The following CDH2 variants were observed in gnomAD, a reference collection of about 807,000 sequenced individuals.
The protein encoded by CDH2 is cadherin 2, also known as cadherin-2.
A neutral mutation model predicts 92.0 loss-of-function variants in CDH2; 17 were observed. The ratio of observed to expected loss-of-function variants is 0.18; its 90% CI spans 0.13 to 0.28. CDH2 has a LOEUF of 0.28. Ranked by LOEUF, CDH2 falls within the 10% of genes least tolerant of loss-of-function variation. CDH2 has a pLI of 1.00. For missense variants in CDH2, 862 were observed against 1,133.1 expected (o/e 0.76, Z 3.44); for synonymous variants, 419 against 415.9 (o/e 1.01, Z -0.09).
chr18:28,015,622 TAAA>T (rs2013223582), intron 2 of CDH2, among the ~76,000 whole-genome samples: 1 of 152,188 alleles, frequency 6.6e-6, no homozygotes, highest in South Asian at 2.1e-4. Context: ...TCATGGTCCT[TAAA>T]AACATAATCT....
At chr18:27,963,299 A>G in intron 15 of CDH2, 58 bp downstream of exon 15, 1 of 1,531,164 alleles carries the variant, frequency 6.5e-7, no homozygotes, top group Non-Finnish European at 9.0e-7. Context: ...GCCTACAGAG[A>G]TCTAACCATT....
chr18:28,030,976 A>G (rs1029771917), intron 2 of CDH2, among the ~76,000 whole-genome samples: 23 of 151,782 alleles, frequency 1.5e-4, no homozygotes, highest in Non-Finnish European at 3.2e-4. Context: ...TCCCTGATCC[A>G]TATTTTCATG....
rs147792834 is a variant in CDH2, at chr18:27,957,061, C to T, written c.2515-4702G>A. Among the ~76,000 whole-genome samples, 118 of 152,016 alleles carry T rather than the reference C, an allele frequency of 7.8e-4. 1 individual carries two copies. Among genetic ancestry groups the T allele is most frequent in the African/African-American group, 2.8e-3 (116 of 41,468 alleles). On this transcript the variant is annotated intron_variant, in intron 15 of 15. Transcript: ENST00000269141. Reference sequence around the variant, plus strand: ...CCCCAAAGCATCATGTTCTTGTGCACTTCTATGTTGTTTATTCATTTTTTT... The same window carrying T: ...CCCCAAAGCATCATGTTCTTGTGCATTTCTATGTTGTTTATTCATTTTTTT...
chr18:28,150,461 C>A (rs2144332357), intron 1 of CDH2, among the ~76,000 whole-genome samples: 1 of 152,250 alleles, frequency 6.6e-6, no homozygotes, highest in South Asian at 2.1e-4. Flanking sequence ...TGGTCCAAAC[C>A]CACAGAAATA....
chr18:28,147,462 G>A (rs1422001489), intron 2 of CDH2, among the ~76,000 whole-genome samples: 2 of 152,038 alleles, frequency 1.3e-5, no homozygotes, highest in African/African-American at 2.4e-5. Context: ...GAAATCTGAC[G>A]ATTTCAAGAG....
intron 7 of CDH2, among the ~76,000 whole-genome samples, chr18:27,997,000 CATTA>C (rs987893301): frequency 6.6e-6 from 1 of 152,212 alleles, no homozygotes; most frequent in African/African-American, 2.4e-5. Flanking sequence ...TTTATATTGA[CATTA>C]ATTTCCCTTT....
At chr18:28,119,104 G>C (rs1383549231) in intron 2 of CDH2, among the ~76,000 whole-genome samples, 1 of 152,072 alleles carries the variant, frequency 6.6e-6, no homozygotes, top group Non-Finnish European at 1.5e-5. Flanking sequence ...CAGCAACCAA[G>C]TCCAAAGTGG....
chr18:28,105,056 C>A (rs1442786347), intron 2 of CDH2, among the ~76,000 whole-genome samples: 1 of 151,974 alleles, frequency 6.6e-6, no homozygotes, highest in African/African-American at 2.4e-5. Flanking sequence ...TGGGTCACAA[C>A]CCTTCTTATA....
At chr18:27,957,330 C>G (rs189711529) in intron 15 of CDH2, among the ~76,000 whole-genome samples, 159 of 152,174 alleles carry the variant, frequency 1.0e-3, no homozygotes, top group African/African-American at 3.5e-3. Context: ...CTCACTGCAG[C>G]CTTGACCTTC....
Position 27,941,543 on chromosome 18 carries a change from A to G in CDH2, c.1152-8419T>C, listed in dbSNP as rs17493001. 4.8e-3 allele frequency among the ~76,000 whole-genome samples: 731 copies of G among 152,286 alleles called. 4 individuals carry two copies. Among genetic ancestry groups the G allele is most frequent in the African/African-American group, 0.016 (656 of 41,552 alleles). ...TAAAGAATGTGATTCTGATTAACGA[A>G]AGCAATTAGATATATTTGCTTCTAT... On this transcript the variant is annotated intron_variant, in intron 6 of 6. Coordinates refer to the CDH2 transcript ENST00000675173.
rs549528574 is a variant in CDH2 at position 28,033,270 on chromosome 18, T to C, written c.173-19361A>G. Reference sequence around the variant, plus strand: ...TTGTCAATGATTAGTATTTGGGAAGTATTTTTTCAAGGGCAAATTTGTTCG... The same window carrying C: ...TTGTCAATGATTAGTATTTGGGAAGCATTTTTTCAAGGGCAAATTTGTTCG... On this transcript the variant is annotated intron_variant, in intron 2 of 15. Transcript: ENST00000269141. 3.3e-5 allele frequency among the ~76,000 whole-genome samples: 5 copies of C among 152,228 alleles called. No individual in the cohort carries two copies. In the South Asian group the frequency reaches 1.0e-3, roughly 32 times the overall value.
intron 2 of CDH2, among the ~76,000 whole-genome samples, chr18:28,055,555 C>T (rs911305087): frequency 2.6e-5 from 4 of 152,092 alleles, no homozygotes; most frequent in Non-Finnish European, 4.4e-5. Flanking sequence ...TTCTAGGATA[C>T]GTTTCTGTCT....
At chr18:28,132,350 A>G (rs11874384) in intron 2 of CDH2, among the ~76,000 whole-genome samples, 31,343 of 152,192 alleles carry the variant, frequency 0.21, 3,761 homozygotes, top group Non-Finnish European at 0.28. Flanking sequence ...CAGCAGCTCA[A>G]TGATTTCATT....
At chr18:28,019,524 A>C (rs2013350428) in intron 2 of CDH2, among the ~76,000 whole-genome samples, 1 of 152,052 alleles carries the variant, frequency 6.6e-6, no homozygotes, top group African/African-American at 2.4e-5. Flanking sequence ...TGAGGGAGGA[A>C]AGAAGGAGGA....
At chr18:27,947,815 G>T (rs576265508), downstream of CDH2, among the ~76,000 whole-genome samples, 2 of 151,064 alleles carry the variant, frequency 1.3e-5, no homozygotes, top group South Asian at 4.1e-4. Flanking sequence ...AAGTATATGT[G>T]ATATAAGTGT....
intron 2 of CDH2, among the ~76,000 whole-genome samples, chr18:28,066,567 A>G (rs2014511417): frequency 6.6e-6 from 1 of 152,142 alleles, no homozygotes; most frequent in Non-Finnish European, 1.5e-5. Flanking sequence ...TCAAGCAGAC[A>G]AGCATGTAAT....
chr18:27,997,415 T>C (rs1189650510), intron 7 of CDH2, among the ~76,000 whole-genome samples: 3 of 152,160 alleles, frequency 2.0e-5, no homozygotes, highest in African/African-American at 4.8e-5. Context: ...CAGGACCATA[T>C]AGAGCCACCA....
chr18:28,070,049 GACAGTTAATCCAATCTTC>G (rs1457960288), intron 2 of CDH2, among the ~76,000 whole-genome samples: 8 of 152,122 alleles, frequency 5.3e-5, no homozygotes, highest in African/African-American at 1.9e-4. Flanking sequence ...CAACTAACCA[GACAGTTAATCCAATCTTC>G]ACAGAATCAT....
At chr18:28,105,855 G>T (rs986932471) in intron 2 of CDH2, among the ~76,000 whole-genome samples, 1 of 152,108 alleles carries the variant, frequency 6.6e-6, no homozygotes, top group Non-Finnish European at 1.5e-5. Context: ...ATTAAAATGG[G>T]TTTCTGGTAA....
Sources: allele counts gnomAD v4.1 joint callset (sites outside exome capture counted in the v4.1 genomes callset), GRCh38; gene constraint gnomAD v4.1.1; transcripts MANE v1.5; gene names NCBI Gene and HGNC (gene_info 2026-07-23, HGNC 2026-07-21).